Variants in MTA3 observed in about 807,000 individuals in gnomAD.
MTA3 encodes metastasis-associated protein MTA3.
MTA3 carries 34 observed loss-of-function variants against 83.5 expected under a neutral mutation model. The ratio of observed to expected loss-of-function variants is 0.41; its 90% CI spans 0.31 to 0.54. The LOEUF (loss-of-function observed/expected upper bound fraction) is 0.54, where lower values mean the gene tolerates loss of function less well. Ranked by LOEUF, MTA3 falls within the 20% of genes least tolerant of loss-of-function variation. MTA3 has a pLI of 0.33. For synonymous variants in MTA3, 303 were observed against 252.7 expected, an observed-to-expected ratio of 1.20 and a Z score of -1.89; for missense variants, 761 against 726.4, an observed-to-expected ratio of 1.05 and a Z score of -0.55.
intron 3 of MTA3, among the ~76,000 whole-genome samples, chr2:42,596,935 C>T (rs1267358186): frequency 3.3e-5 from 5 of 151,742 alleles, no homozygotes; most frequent in Non-Finnish European, 5.9e-5. Flanking sequence ...GACAGAGTCT[C>T]GCTCTGTCGC....
intron 16 of MTA3, among the ~76,000 whole-genome samples, chr2:42,724,189 T>C (rs1667631899): frequency 6.6e-6 from 1 of 151,636 alleles, no homozygotes; most frequent in African/African-American, 2.4e-5. Flanking sequence ...TTGAATGTAA[T>C]CTAGAATCTC....
At chr2:42,693,636 C>G (rs1018926113) in intron 9 of MTA3, among the ~76,000 whole-genome samples, 6 of 151,658 alleles carry the variant, frequency 4.0e-5, no homozygotes, top group African/African-American at 1.5e-4. Flanking sequence ...CCTGGGATCA[C>G]CCTTCAGGGC....
At chr2:42,571,777 A>G (rs540814431) in intron 2 of MTA3, among the ~76,000 whole-genome samples, 1 of 151,690 alleles carries the variant, frequency 6.6e-6, no homozygotes, top group Non-Finnish European at 1.5e-5. Context: ...GAGAAACCCC[A>G]TCTCTACTAA....
At chr2:42,696,731 C>T (rs779569555) in intron 10 of MTA3, among the ~76,000 whole-genome samples, 9 of 152,004 alleles carry the variant, frequency 5.9e-5, no homozygotes, top group Non-Finnish European at 1.0e-4. Flanking sequence ...ATAACAAGAC[C>T]CTGTCTCTAA....
At chr2:42,631,851 G>A (rs896571338) in intron 4 of MTA3, among the ~76,000 whole-genome samples, 6 of 151,554 alleles carry the variant, frequency 4.0e-5, no homozygotes, top group Middle Eastern at 6.8e-3. Context: ...CACCATGCCT[G>A]CCTAGTTTTT....
intron 2 of MTA3, among the ~76,000 whole-genome samples, chr2:42,516,224 T>C (rs1675139754): frequency 6.6e-6 from 1 of 152,156 alleles, no homozygotes; most frequent in South Asian, 2.1e-4. Flanking sequence ...GCAGTGTTTA[T>C]TTTAAAAGCT....
chr2:42,501,847 G>T (rs980928078), intron 2 of MTA3, among the ~76,000 whole-genome samples: 1 of 152,034 alleles, frequency 6.6e-6, no homozygotes, highest in African/African-American at 2.4e-5. Flanking sequence ...GCCTGGTGGC[G>T]CATGCTTGTA....
intron 2 of MTA3, among the ~76,000 whole-genome samples, chr2:42,513,783 C>A (rs1364915266): frequency 2.6e-5 from 4 of 152,214 alleles, no homozygotes; most frequent in African/African-American, 9.7e-5. Context: ...AGGACTGCCA[C>A]GCCTCCCAGG....
chr2:42,668,346 C>T (rs190735406), intron 8 of MTA3, among the ~76,000 whole-genome samples: 2 of 152,136 alleles, frequency 1.3e-5, no homozygotes, highest in South Asian at 4.1e-4. Flanking sequence ...AACATTGGGC[C>T]CTTCTGGCTC....
intron 3 of MTA3, among the ~76,000 whole-genome samples, chr2:42,584,064 A>C (rs529848239): frequency 4.6e-5 from 7 of 151,068 alleles, no homozygotes; most frequent in Admixed American, 1.3e-4. Flanking sequence ...GCTGGTCTCG[A>C]ACTCCCTACC....
At chr2:42,705,751 C>A (rs1435429598) in intron 12 of MTA3, among the ~76,000 whole-genome samples, 1 of 152,086 alleles carries the variant, frequency 6.6e-6, no homozygotes, top group African/African-American at 2.4e-5. Context: ...CCCTTTCACA[C>A]TCACGTATAT....
rs888619226 is a variant in MTA3 at position 42,579,418 on chromosome 2, T to C, written c.190+218T>C. 1.0e-4 allele frequency among the ~76,000 whole-genome samples: 7 copies of C among 68,086 alleles called. No homozygotes were observed. In the Admixed American group the frequency reaches 1.4e-3, roughly 13 times the overall value. 44.7% of individuals were successfully genotyped at this position (68,086 alleles called of 152,430 possible). The stretch of plus-strand genomic sequence containing the variant: ...ATGTGTGTATGTAATTTTATATCTA[T>C]ATATATATATATTTTTTTTTTTTTC... On this transcript the variant is annotated intron_variant, in intron 3 of 16. Coordinates refer to ENST00000405094, the MANE Select transcript of MTA3 (RefSeq NM_001330442.2).
At chr2:42,530,001 C>A (rs1436540507) in intron 2 of MTA3, among the ~76,000 whole-genome samples, 2 of 151,684 alleles carry the variant, frequency 1.3e-5, no homozygotes, top group African/African-American at 4.8e-5. Context: ...GCCTGGCCAA[C>A]ATGGTGAAAC....
At chr2:42,507,849 T>C (rs771012518) in intron 2 of MTA3, among the ~76,000 whole-genome samples, 25 of 151,238 alleles carry the variant, frequency 1.7e-4, no homozygotes, top group Middle Eastern at 3.4e-3. Context: ...GATGATGGCT[T>C]GAGCCCGGGA....
intron 8 of MTA3, among the ~76,000 whole-genome samples, chr2:42,670,456 A>G (rs968153408): frequency 1.3e-5 from 2 of 152,168 alleles, no homozygotes; most frequent in East Asian, 1.9e-4. Flanking sequence ...TATTCTATCT[A>G]TAAAGTAGAA....
intron 4 of MTA3, among the ~76,000 whole-genome samples, chr2:42,626,496 C>T (rs1686110729): frequency 6.6e-6 from 1 of 151,548 alleles, no homozygotes; most frequent in South Asian, 2.1e-4. Flanking sequence ...TGGGGTTTCA[C>T]CATGTTGGCC....
chr2:42,638,301 G>A (rs13027020), intron 4 of MTA3, among the ~76,000 whole-genome samples: 115,461 of 152,124 alleles, frequency 0.76, 44,249 homozygotes, highest in South Asian at 0.88. Flanking sequence ...TAGATATTCT[G>A]TGGCAGCTGT....
intron 8 of MTA3, among the ~76,000 whole-genome samples, chr2:42,660,586 T>A (rs939458706): frequency 1.3e-5 from 2 of 152,232 alleles, no homozygotes; most frequent in Non-Finnish European, 2.9e-5. Context: ...AGTTTTTTGC[T>A]GATTGAAGTT....
At chr2:42,539,382 G>A (rs1309754503) in intron 2 of MTA3, among the ~76,000 whole-genome samples, 2 of 151,978 alleles carry the variant, frequency 1.3e-5, no homozygotes, top group Non-Finnish European at 2.9e-5. Flanking sequence ...TGAGAGCTGA[G>A]CAAAGGGGGA....
Sources: gnomAD v4.1 joint callset for allele counts (sites outside exome capture counted in the v4.1 genomes callset) on GRCh38, gnomAD v4.1.1 for gene constraint, MANE v1.5 for transcripts, NCBI Gene and HGNC (gene_info 2026-07-23, HGNC 2026-07-21) for gene names.